Variants in WDFY3 observed in about 807,000 individuals in gnomAD.
WDFY3 encodes WD repeat and FYVE domain-containing protein 3.
WDFY3 carries 66 observed loss-of-function variants against 409.6 expected under a neutral mutation model. That is an observed-to-expected ratio of 0.16 (90% CI 0.13 to 0.20). The LOEUF (loss-of-function observed/expected upper bound fraction) is 0.20. WDFY3 is among the 10% of genes least tolerant of loss of function. The pLI, the probability that WDFY3 is intolerant of heterozygous loss-of-function variation, is 1.00. For missense variants in WDFY3, 3,031 were observed against 4,298.1 expected (o/e 0.71, Z 8.24); for synonymous variants, 1,521 against 1,537.1 (o/e 0.99, Z 0.25).
chr4:84,858,935 C>T (rs184270803), intron 4 of WDFY3, among the ~76,000 whole-genome samples: 26 of 151,340 alleles, frequency 1.7e-4, no homozygotes, highest in Non-Finnish European at 3.4e-4. Flanking sequence ...GACAGAAAGA[C>T]AGTGATGGAG....
At chr4:84,765,692 T>G in intron 32 of WDFY3, 118 bp downstream of exon 32, 1 of 784,288 alleles carries the variant, frequency 1.3e-6, no homozygotes, top group Non-Finnish European at 1.9e-6. Flanking sequence ...CTATCATTAA[T>G]TAAAATTAAT....
chr4:84,855,610 A>G (rs1028104311), intron 4 of WDFY3, among the ~76,000 whole-genome samples: 5 of 152,204 alleles, frequency 3.3e-5, no homozygotes, highest in Admixed American at 6.5e-5. Flanking sequence ...GAATGTTTAC[A>G]AAGTTTTTAA....
intron 46 of WDFY3, among the ~76,000 whole-genome samples, chr4:84,723,298 T>C (rs1220682468): frequency 6.6e-6 from 1 of 152,238 alleles, no homozygotes; most frequent in African/African-American, 2.4e-5. Flanking sequence ...AGGTATGTCA[T>C]AACAACAGGA....
chr4:84,871,679 A>G (rs1179028100), intron 3 of WDFY3, among the ~76,000 whole-genome samples: 2 of 151,610 alleles, frequency 1.3e-5, no homozygotes, highest in Admixed American at 1.3e-4. Context: ...CTCTGTTACC[A>G]GGGCTGGAGT....
In WDFY3 at chr4:84,705,488, C is replaced by G; in HGVS notation, c.8241G>C (p.Lys2747Asn). ...DSEEVDLTNP[K>N]TFRNLAKPMG... is the part of the protein sequence containing the mutation. The stretch of plus-strand genomic sequence containing the variant: ...TTGGCTTAGCCAGGTTTCTAAACGT[C>G]TTGGGATTAGTAAGATCCACCTCCT... The change falls in exon 54 of 68, where the codon AAG (lysine) becomes AAC (asparagine). Residue 2747 changes from lysine to asparagine, a missense_variant. Transcript: ENST00000295888. The G allele has an allele frequency of 3.1e-6, 5 of 1,613,958 alleles. No homozygotes were observed. The highest frequency in any genetic ancestry group is 4.2e-6 in the Non-Finnish European group (5 of 1,179,922).
At chr4:84,832,632 AAAATT>A (rs918459051) in intron 7 of WDFY3, among the ~76,000 whole-genome samples, 1 of 152,198 alleles carries the variant, frequency 6.6e-6, no homozygotes, top group African/African-American at 2.4e-5. Flanking sequence ...TTTGTCAATT[AAAATT>A]AATAATGAAA....
chr4:84,786,983 T>C (rs1429689587), intron 23 of WDFY3, among the ~76,000 whole-genome samples: 1 of 152,204 alleles, frequency 6.6e-6, no homozygotes, highest in Non-Finnish European at 1.5e-5. Flanking sequence ...ACCAAGGAAC[T>C]GCCAGCTTAA....
At chr4:84,808,129 T>C (rs1751832044) in intron 15 of WDFY3, among the ~76,000 whole-genome samples, 1 of 152,000 alleles carries the variant, frequency 6.6e-6, no homozygotes, top group Non-Finnish European at 1.5e-5. Flanking sequence ...CATAGTTTCA[T>C]AGCATCAACA....
intron 56 of WDFY3, among the ~76,000 whole-genome samples, chr4:84,701,712 A>T (rs530245841): frequency 1.4e-4 from 21 of 152,296 alleles, no homozygotes; most frequent in African/African-American, 5.1e-4. Context: ...AACAGCACTG[A>T]TGGAGTTTTT....
chr4:84,920,084 G>A (rs1244111761), intron 2 of WDFY3, among the ~76,000 whole-genome samples: 1 of 152,078 alleles, frequency 6.6e-6, no homozygotes, highest in Admixed American at 6.6e-5. Context: ...AATAACTTCT[G>A]AAAAGGGAGA....
intron 58 of WDFY3, among the ~76,000 whole-genome samples, chr4:84,695,586 C>T (rs1260054794): frequency 4.0e-5 from 6 of 148,584 alleles, no homozygotes; most frequent in Admixed American, 3.4e-4. Flanking sequence ...TGACTGAGGC[C>T]AGAATGAACT....
intron 18 of WDFY3, among the ~76,000 whole-genome samples, chr4:84,797,292 A>G (rs1263891696): frequency 6.6e-6 from 1 of 152,162 alleles, no homozygotes; most frequent in Non-Finnish European, 1.5e-5. Flanking sequence ...ACTTTAATTT[A>G]AAGATTCCCA....
At chr4:84,898,974 T>C (rs991293232) in intron 2 of WDFY3, among the ~76,000 whole-genome samples, 1 of 152,220 alleles carries the variant, frequency 6.6e-6, no homozygotes, top group Admixed American at 6.5e-5. Context: ...TTAGCTTCCA[T>C]ACTGAAAAGG....
chr4:84,738,649 C>T (rs764427056), intron 40 of WDFY3, among the ~76,000 whole-genome samples: 1 of 150,344 alleles, frequency 6.7e-6, no homozygotes, highest in Non-Finnish European at 1.5e-5. Flanking sequence ...TAAAAAATAG[C>T]ACTATTGATA....
intron 32 of WDFY3, among the ~76,000 whole-genome samples, chr4:84,758,062 T>A (rs1417990895): frequency 6.6e-6 from 1 of 152,158 alleles, no homozygotes; most frequent in Admixed American, 6.5e-5. Flanking sequence ...CAATCTTGTT[T>A]CCTCTGTTTT....
chr4:84,871,511 A>C (rs1322643998), intron 3 of WDFY3, among the ~76,000 whole-genome samples: 1 of 152,222 alleles, frequency 6.6e-6, no homozygotes, highest in African/African-American at 2.4e-5. Flanking sequence ...CTCTGCAAGA[A>C]ATGTTAAAAG....
chr4:84,812,318 CA>C (rs761618955), intron 13 of WDFY3, among the ~76,000 whole-genome samples: 79 of 152,132 alleles, frequency 5.2e-4, no homozygotes, highest in Non-Finnish European at 8.4e-4. Flanking sequence ...TTCATATTAA[CA>C]AAAGACTTAA....
At chr4:84,733,634 T>TTTG in intron 43 of WDFY3, 25 bp from the exon 44 acceptor site, 1 of 1,578,578 alleles carries the variant, frequency 6.3e-7, no homozygotes. Context: ...TCCAGGTCGG[T>TTTG]TTTCAAGCAA....
At chr4:84,852,603 A>C in intron 4 of WDFY3, among the ~76,000 whole-genome samples, 1 of 152,220 alleles carries the variant, frequency 6.6e-6, no homozygotes, top group East Asian at 1.9e-4. Context: ...AGTTTGACAA[A>C]TGAATAATTT....
Sources: gnomAD v4.1 joint callset for allele counts (sites outside exome capture counted in the v4.1 genomes callset) on GRCh38, gnomAD v4.1.1 for gene constraint, MANE v1.5 for transcripts, NCBI Gene and HGNC (gene_info 2026-07-23, HGNC 2026-07-21) for gene names.